The following CDH22 variants were observed in gnomAD, a reference collection of about 807,000 sequenced individuals.
CDH22 encodes cadherin-22.
In CDH22, 30 loss-of-function variants were observed where a neutral mutation model predicts 58.4. That is an observed-to-expected ratio of 0.51 (90% CI 0.38 to 0.70). The LOEUF (loss-of-function observed/expected upper bound fraction) is 0.70. CDH22 is among the 30% of genes least tolerant of loss of function. The pLI, the probability that CDH22 is intolerant of heterozygous loss-of-function variation, is 0.00. For missense variants in CDH22, 1,014 were observed against 1,233.9 expected, an observed-to-expected ratio of 0.82 and a Z score of 2.67; for synonymous variants, 513 against 558.2, an observed-to-expected ratio of 0.92 and a Z score of 1.14.
chr20:46,222,084 T>C (rs971218857), intron 4 of CDH22, among the ~76,000 whole-genome samples: 1 of 152,152 alleles, frequency 6.6e-6, no homozygotes, highest in Non-Finnish European at 1.5e-5. Flanking sequence ...TTTCCTCTTA[T>C]GTGAAATGGA....
intron 1 of CDH22, among the ~76,000 whole-genome samples, chr20:46,295,563 TTAAG>T (rs1168883706): frequency 1.3e-5 from 2 of 152,100 alleles, no homozygotes; most frequent in Non-Finnish European, 1.5e-5. Flanking sequence ...ACTGAGGTGG[TTAAG>T]TAACTTGTGT....
chr20:46,253,967 T>C (rs1353823313), intron 1 of CDH22, among the ~76,000 whole-genome samples: 1 of 152,198 alleles, frequency 6.6e-6, no homozygotes, highest in East Asian at 1.9e-4. Context: ...TCTTTGTTTC[T>C]AACACCTTTG....
At chr20:46,223,224 C>A (rs1030003772) in intron 4 of CDH22, among the ~76,000 whole-genome samples, 1 of 152,198 alleles carries the variant, frequency 6.6e-6, no homozygotes, top group Non-Finnish European at 1.5e-5. Context: ...ATCTTCTGGG[C>A]CCTCTGCTGC....
At chr20:46,205,988 C>A (rs1242764964) in intron 7 of CDH22, among the ~76,000 whole-genome samples, 1 of 152,188 alleles carries the variant, frequency 6.6e-6, no homozygotes, top group East Asian at 1.9e-4. Context: ...TGTCACTCCC[C>A]TTCCTGGTGC....
At chr20:46,232,762 T>A (rs533407430) in intron 3 of CDH22, among the ~76,000 whole-genome samples, 1 of 152,334 alleles carries the variant, frequency 6.6e-6, no homozygotes, top group South Asian at 2.1e-4. Context: ...CCACCCCTGC[T>A]GCCCTCCTCC....
intron 1 of CDH22, among the ~76,000 whole-genome samples, chr20:46,256,072 C>G (rs895598086): frequency 2.6e-5 from 4 of 152,156 alleles, no homozygotes; most frequent in Non-Finnish European, 5.9e-5. Context: ...TGTGTGCGTG[C>G]GAACATGTGT....
chr20:46,216,699 A>C lies in CDH22; in HGVS notation c.838+127T>G, dbSNP rs993528398. The stretch of plus-strand genomic sequence containing the variant: ...GTGGCTTGGGAGGACAGACAGACAG[A>C]CAGAAAGAGAGGGGGAAGCCCTTCT... On this transcript the variant is annotated intron_variant, in intron 5 of 11. Transcript: ENST00000537909. This position sits in a 1 kb window ranked among gnomAD's most constrained non-coding sequence, Gnocchi z 5.3. The C allele has an allele frequency of 2.0e-5, 18 of 908,780 alleles. No homozygotes were observed. Among genetic ancestry groups the C allele is most frequent in the African/African-American group, 1.8e-4 (11 of 60,678 alleles). 56.3% of individuals were successfully genotyped at this position (908,780 alleles called of 1,614,324 possible).
intron 5 of CDH22, 41 bp from the exon 6 acceptor site, chr20:46,213,229 C>T (rs1465646235): frequency 1.9e-6 from 3 of 1,556,370 alleles, no homozygotes; most frequent in Non-Finnish European, 2.7e-6. Flanking sequence ...AAGGCAGCCC[C>T]TTCCCCAGCC....
At chr20:46,227,709 C>G in intron 3 of CDH22, 82 bp from the exon 4 acceptor site, 3 of 1,517,174 alleles carry the variant, frequency 2.0e-6, no homozygotes, top group Non-Finnish European at 1.8e-6. Context: ...CCCAGGGAAG[C>G]TGGGAGAGGA....
At chr20:46,263,536 A>C (rs934410021) in intron 1 of CDH22, among the ~76,000 whole-genome samples, 5 of 152,268 alleles carry the variant, frequency 3.3e-5, no homozygotes, top group Admixed American at 6.5e-5. Context: ...GCAAAGAGAA[A>C]GTACAAGGAG....
rs2086419716 is a variant in CDH22 at position 46,259,059 on chromosome 20, C to G, written c.-399-7366G>C. Among the ~76,000 whole-genome samples, 3 of 152,182 alleles carry G rather than the reference C, an allele frequency of 2.0e-5. No individual in the cohort carries two copies. The South Asian group carries it at 6.2e-4, about 31-fold the overall frequency. ...GCCTTGGAAATAGGCCAGATGTGGT[C>G]CCTGTTCTTAAGGCAGTCACAGCCT... On this transcript the variant is annotated intron_variant, in intron 1 of 11. Coordinates refer to ENST00000537909, the MANE Select transcript of CDH22 (RefSeq NM_021248.3).
chr20:46,236,902 C>T lies in CDH22; in HGVS notation c.550+4061G>A, dbSNP rs188065317. Among the ~76,000 whole-genome samples the T allele has an allele frequency of 5.2e-3, 796 of 152,194 alleles. 26 individuals carry two copies. Among genetic ancestry groups the T allele is most frequent in the Admixed American group, 0.046 (701 of 15,282 alleles). ...AGAGACGGGGTTTCACCATGTTGCC[C>T]AGCTGGTCTCGAACTCCTGAGCTCA... is the stretch of plus-strand genomic sequence containing the variant. On this transcript the variant is annotated intron_variant, in intron 3 of 11. Transcript: ENST00000537909.
At chr20:46,258,974 A>G (rs2145745617) in intron 1 of CDH22, among the ~76,000 whole-genome samples, 1 of 152,298 alleles carries the variant, frequency 6.6e-6, no homozygotes, top group Non-Finnish European at 1.5e-5. Flanking sequence ...CTATTTACCA[A>G]TAGCGATGAA....
intron 4 of CDH22, among the ~76,000 whole-genome samples, chr20:46,224,264 A>G (rs181613287): frequency 2.8e-4 from 42 of 152,334 alleles, no homozygotes; most frequent in Non-Finnish European, 3.8e-4. Context: ...CTCTACTTCA[A>G]TAAAAGTGCC....
intron 1 of CDH22, among the ~76,000 whole-genome samples, chr20:46,287,139 T>C (rs1353315151): frequency 6.6e-6 from 1 of 152,142 alleles, no homozygotes; most frequent in Non-Finnish European, 1.5e-5. Flanking sequence ...TAGCTCTTTA[T>C]CATCTGTGTA....
intron 1 of CDH22, among the ~76,000 whole-genome samples, chr20:46,263,130 C>T (rs1335364864): frequency 6.6e-6 from 1 of 152,208 alleles, no homozygotes; most frequent in Non-Finnish European, 1.5e-5. Flanking sequence ...GCTCTCTGTC[C>T]TTCAGCTCAC....
At chr20:46,199,706 C>A (rs2085940871) in intron 7 of CDH22, 147 bp from the exon 8 acceptor site, 1 of 964,626 alleles carries the variant, frequency 1.0e-6, no homozygotes, top group Non-Finnish European at 1.5e-6. Context: ...CGAGGAGGAG[C>A]GGGAAGCAAC....
intron 1 of CDH22, among the ~76,000 whole-genome samples, chr20:46,271,435 C>T (rs575164115): frequency 3.5e-4 from 53 of 152,278 alleles, no homozygotes; most frequent in African/African-American, 1.2e-3. Context: ...TAGATTCCAT[C>T]TTTAAAAAAC....
chr20:46,250,389 G>C (rs946800383), intron 2 of CDH22, among the ~76,000 whole-genome samples: 7 of 152,246 alleles, frequency 4.6e-5, no homozygotes, highest in Non-Finnish European at 4.4e-5. Context: ...GGACCTCACG[G>C]GGGATGTGAC....
Sources: gnomAD v4.1 joint callset for allele counts (sites outside exome capture counted in the v4.1 genomes callset) on GRCh38, gnomAD v4.1.1 for gene constraint, Gnocchi (gnomAD v3.1) non-coding constraint, MANE v1.5 for transcripts, NCBI Gene and HGNC (gene_info 2026-07-23, HGNC 2026-07-21) for gene names.